EPB41L4A: variants seen among roughly 807,000 people sequenced by gnomAD.
EPB41L4A encodes erythrocyte membrane protein band 4.1 like 4A.
A neutral mutation model predicts 108.6 loss-of-function variants in EPB41L4A; 100 were observed. That is an observed-to-expected ratio of 0.92 (90% CI 0.78 to 1.09). The LOEUF (loss-of-function observed/expected upper bound fraction) is 1.09, where lower values mean the gene tolerates loss of function less well. Ranked by LOEUF, EPB41L4A falls within the 50% of genes least tolerant of loss-of-function variation. EPB41L4A has a pLI of 0.00. For missense variants in EPB41L4A, 1,030 were observed against 842.7 expected (o/e 1.22, Z -2.75); for synonymous variants, 319 against 289.0 (o/e 1.10, Z -1.05).
intron 17 of EPB41L4A, among the ~76,000 whole-genome samples, chr5:112,191,049 T>TA (rs942534966): frequency 2.7e-4 from 41 of 151,998 alleles, no homozygotes; most frequent in African/African-American, 8.2e-4. Context: ...TAAATATTAT[T>TA]AAAAAAAACT....
chr5:112,368,624 G>C (rs1233201294), intron 1 of EPB41L4A, among the ~76,000 whole-genome samples: 2 of 151,828 alleles, frequency 1.3e-5, no homozygotes, highest in Non-Finnish European at 2.9e-5. Flanking sequence ...TACTGCACCT[G>C]CTCTCCCAAA....
intron 2 of EPB41L4A, among the ~76,000 whole-genome samples, chr5:112,301,462 G>A (rs1320042286): frequency 6.6e-6 from 1 of 152,134 alleles, no homozygotes; most frequent in Admixed American, 6.6e-5. Context: ...CTCCAGGCTG[G>A]TACTAGGGGT....
intron 1 of EPB41L4A, among the ~76,000 whole-genome samples, chr5:112,388,343 G>A (rs552972646): frequency 7.2e-5 from 11 of 152,314 alleles, no homozygotes; most frequent in Admixed American, 2.6e-4. Context: ...AAGGAATCTG[G>A]AAACAGATCG....
At chr5:112,151,468 T>A (rs1053484731) in intron 12 of EPB41L4A, among the ~76,000 whole-genome samples, 3 of 151,748 alleles carry the variant, frequency 2.0e-5, no homozygotes, top group African/African-American at 7.3e-5. Flanking sequence ...AGTGCAGTGG[T>A]GCAATCTTAG....
chr5:112,385,845 T>TG (rs1323019967), intron 1 of EPB41L4A, among the ~76,000 whole-genome samples: 4 of 152,180 alleles, frequency 2.6e-5, no homozygotes, highest in African/African-American at 9.7e-5. Context: ...TCCTAGTGGG[T>TG]GTTCAAATCG....
At chr5:112,414,201 T>C (rs1247627913) in intron 1 of EPB41L4A, among the ~76,000 whole-genome samples, 2 of 152,094 alleles carry the variant, frequency 1.3e-5, no homozygotes, top group Non-Finnish European at 2.9e-5. Context: ...TACTTGAATA[T>C]GAAGCAAGAT....
intron 12 of EPB41L4A, among the ~76,000 whole-genome samples, chr5:112,210,824 C>T (rs1021931356): frequency 6.6e-6 from 1 of 151,998 alleles, no homozygotes; most frequent in Non-Finnish European, 1.5e-5. Flanking sequence ...TCAGCATGCA[C>T]AGATGCCCAC....
intron 20 of EPB41L4A, chr5:112,170,006 A>C: frequency 2.9e-6 from 1 of 346,032 alleles, no homozygotes; most frequent in Non-Finnish European, 5.2e-6. Flanking sequence ...ATGGATAAAA[A>C]ACTTTATCAG....
At chr5:112,254,711 C>T (rs758782495) in intron 9 of EPB41L4A, among the ~76,000 whole-genome samples, 6 of 152,114 alleles carry the variant, frequency 3.9e-5, no homozygotes, top group Non-Finnish European at 7.3e-5. Flanking sequence ...CCTTCCCAAT[C>T]GACTGGACCA....
At chr5:112,310,766 T>G (rs895467638) in intron 1 of EPB41L4A, among the ~76,000 whole-genome samples, 3 of 152,116 alleles carry the variant, frequency 2.0e-5, no homozygotes, top group African/African-American at 7.2e-5. Flanking sequence ...TCTGCTAATG[T>G]GCAAACAATC....
At chr5:112,170,442 G>GT in intron 19 of EPB41L4A, 73 bp from the exon 20 acceptor site, 1 of 993,042 alleles carries the variant, frequency 1.0e-6, no homozygotes, top group East Asian at 2.4e-5. Context: ...CAATCGGCAG[G>GT]TGAGTTTTCC....
chr5:112,348,927 G>T (rs1053938616), intron 1 of EPB41L4A, among the ~76,000 whole-genome samples: 3 of 152,160 alleles, frequency 2.0e-5, no homozygotes, highest in Admixed American at 1.3e-4. Context: ...ACTAAGACAG[G>T]GTTCAAATCA....
intron 2 of EPB41L4A, among the ~76,000 whole-genome samples, chr5:112,299,262 C>T (rs1281255263): frequency 6.6e-6 from 1 of 152,144 alleles, no homozygotes; most frequent in Admixed American, 6.5e-5. Context: ...CTCTTTCAGA[C>T]TTTTTGATAC....
At chr5:112,340,654 G>C (rs773372652) in intron 1 of EPB41L4A, among the ~76,000 whole-genome samples, 2 of 152,050 alleles carry the variant, frequency 1.3e-5, no homozygotes, top group Non-Finnish European at 2.9e-5. Flanking sequence ...AGCATATTAA[G>C]GTATTATTTT....
chr5:112,249,990 C>T (rs1750538752), intron 9 of EPB41L4A, among the ~76,000 whole-genome samples: 1 of 150,612 alleles, frequency 6.6e-6, no homozygotes, highest in Non-Finnish European at 1.5e-5. Context: ...TTGCACTATA[C>T]ATAAACAACC....
intron 4 of EPB41L4A, among the ~76,000 whole-genome samples, chr5:112,268,096 A>G (rs1751989736): frequency 6.6e-6 from 1 of 152,226 alleles, no homozygotes; most frequent in African/African-American, 2.4e-5. Context: ...AACCTTATAA[A>G]CAAGAGTGGG....
intron 1 of EPB41L4A, among the ~76,000 whole-genome samples, chr5:112,363,064 AT>A (rs1033222109): frequency 3.3e-5 from 5 of 152,116 alleles, no homozygotes; most frequent in African/African-American, 1.2e-4. Flanking sequence ...TATCATTTCC[AT>A]TAGCCACTTT....
intron 1 of EPB41L4A, among the ~76,000 whole-genome samples, chr5:112,403,367 C>T (rs1330662118): frequency 1.3e-5 from 2 of 148,680 alleles, no homozygotes; most frequent in East Asian, 3.9e-4. Context: ...AAGTCAGAGT[C>T]TTACAAAGGC....
chr5:112,318,764 G>A (rs1009876740), intron 1 of EPB41L4A, among the ~76,000 whole-genome samples: 1 of 152,182 alleles, frequency 6.6e-6, no homozygotes, highest in African/African-American at 2.4e-5. Context: ...TCTCAGCCCA[G>A]AAATATGGAC....
Sources: allele counts gnomAD v4.1 joint callset (sites outside exome capture counted in the v4.1 genomes callset), GRCh38; gene constraint gnomAD v4.1.1; transcripts MANE v1.5; gene names NCBI Gene and HGNC (gene_info 2026-07-23, HGNC 2026-07-21).